IRF2: variants seen among roughly 807,000 people sequenced by gnomAD.
IRF2 encodes the protein interferon regulatory factor 2.
A neutral mutation model predicts 40.6 loss-of-function variants in IRF2; 15 were observed. The observed-to-expected ratio is 0.37, with a 90% confidence interval of 0.25 to 0.57. The LOEUF (loss-of-function observed/expected upper bound fraction) is 0.57, where lower values mean the gene tolerates loss of function less well. IRF2 is among the 20% of genes least tolerant of loss of function. The pLI is 0.77. For synonymous variants in IRF2, 151 were observed against 165.5 expected, an observed-to-expected ratio of 0.91 and a Z score of 0.67; for missense variants, 317 against 455.7, an observed-to-expected ratio of 0.70 and a Z score of 2.77.
intron 7 of IRF2, among the ~76,000 whole-genome samples, chr4:184,392,450 G>T (rs898941694): frequency 2.0e-5 from 3 of 152,226 alleles, no homozygotes; most frequent in Non-Finnish European, 4.4e-5. Context: ...CCATGTCAGA[G>T]GCTTTGCATG....
Position 184,474,543 on chromosome 4 carries a change from A to T in IRF2, c.-171T>A, listed in dbSNP as rs1230802923. 1 of 152,576 alleles carries T rather than the reference A, an allele frequency of 6.6e-6. No homozygotes were observed. The highest frequency in any genetic ancestry group is 2.4e-5 in the African/African-American group (1 of 41,438). The allele number at this position is 152,576 out of a possible 1,614,324, so 9.5% of individuals were successfully genotyped here. Reference sequence around the variant, plus strand: ...GAACAGTCCAGATCGAAAGCAAAACAAGGAGAGGAAACTGCGAAGAGCCGC... The same window carrying T: ...GAACAGTCCAGATCGAAAGCAAAACTAGGAGAGGAAACTGCGAAGAGCCGC... On this transcript the variant is annotated 5_prime_UTR_variant, in exon 1 of 9. Transcript: ENST00000393593. This position sits in a 1 kb window ranked among gnomAD's most constrained non-coding sequence, Gnocchi z 5.6.
At chr4:184,446,138 T>C (rs1738500849) in intron 1 of IRF2, among the ~76,000 whole-genome samples, 1 of 152,118 alleles carries the variant, frequency 6.6e-6, no homozygotes, top group Non-Finnish European at 1.5e-5. Flanking sequence ...GGGTCCCCAA[T>C]AGGAACCAAC....
At chr4:184,468,295 C>CT (rs1310030782) in intron 1 of IRF2, among the ~76,000 whole-genome samples, 1 of 151,782 alleles carries the variant, frequency 6.6e-6, no homozygotes, top group Non-Finnish European at 1.5e-5. Flanking sequence ...CGAGACCAGC[C>CT]GGCCAACATG....
chr4:184,437,590 G>A lies in IRF2; in HGVS notation c.-6-8520C>T, dbSNP rs190936403. On this transcript the variant is annotated intron_variant, in intron 1 of 8. Coordinates refer to ENST00000393593, the MANE Select transcript of IRF2 (RefSeq NM_002199.4). ...GAAGAAATAAGAAAGAAAAGAAAAT[G>A]TCTAAGTCACCCACGCCTCTAGATG... Among the ~76,000 whole-genome samples, 5 of 152,244 alleles carry A rather than the reference G, an allele frequency of 3.3e-5. No homozygotes were observed. The East Asian group carries it at 9.6e-4, about 29-fold the overall frequency.
intron 1 of IRF2, among the ~76,000 whole-genome samples, chr4:184,430,745 G>T (rs1299040103): frequency 1.3e-5 from 2 of 152,144 alleles, no homozygotes; most frequent in African/African-American, 4.8e-5. Context: ...ACCCAGACGG[G>T]AGTGCAGTGA....
chr4:184,461,436 A>G (rs1739140781), intron 1 of IRF2, among the ~76,000 whole-genome samples: 1 of 152,220 alleles, frequency 6.6e-6, no homozygotes, highest in Non-Finnish European at 1.5e-5. Context: ...CAGATAAGTA[A>G]AATCGTTTCT....
At chr4:184,391,103 TC>T (rs1468578677) in intron 7 of IRF2, among the ~76,000 whole-genome samples, 2 of 152,256 alleles carry the variant, frequency 1.3e-5, no homozygotes, top group Non-Finnish European at 2.9e-5. Context: ...TTCATTTAAT[TC>T]CCAGTGCAGA....
At chr4:184,456,647 C>T (rs887948872) in intron 1 of IRF2, among the ~76,000 whole-genome samples, 7 of 152,252 alleles carry the variant, frequency 4.6e-5, no homozygotes, top group Admixed American at 1.3e-4. Context: ...CCCTCCCTAC[C>T]GGGAAACCGG....
At chr4:184,462,163 C>T (rs1261668304) in intron 1 of IRF2, among the ~76,000 whole-genome samples, 1 of 152,184 alleles carries the variant, frequency 6.6e-6, no homozygotes. Context: ...TGCAAATCCC[C>T]AAACCTACTA....
intron 6 of IRF2, 144 bp from the exon 7 acceptor site, chr4:184,399,223 C>A (rs759210054): frequency 2.3e-5 from 19 of 814,722 alleles, no homozygotes; most frequent in Non-Finnish European, 3.5e-5. Context: ...GAAGAACACG[C>A]CTGAGCTCTG....
In IRF2 at chr4:184,400,713, T is replaced by C. The variant is rs79754935; in HGVS notation, c.530-1634A>G. ...TGAGTGATCAAATTTCTCCACAGCC[T>C]CGGCAGCATTTCGTGTCATCACTGT... On this transcript the variant is annotated intron_variant, in intron 6 of 8. Transcript: ENST00000393593. Among the ~76,000 whole-genome samples, 765 of 152,324 alleles carry C rather than the reference T, an allele frequency of 5.0e-3. 1 individual carries two copies. Among genetic ancestry groups the C allele is most frequent in the Non-Finnish European group, 9.1e-3 (620 of 68,036 alleles).
intron 1 of IRF2, among the ~76,000 whole-genome samples, chr4:184,463,444 TACTC>T (rs1465219682): frequency 3.3e-5 from 5 of 152,232 alleles, no homozygotes; most frequent in African/African-American, 1.2e-4. Context: ...GGATTTTAAA[TACTC>T]AGTATGAAAA....
chr4:184,440,810 G>A (rs1356531606), intron 1 of IRF2, among the ~76,000 whole-genome samples: 2 of 152,112 alleles, frequency 1.3e-5, no homozygotes, highest in Non-Finnish European at 2.9e-5. Flanking sequence ...CCCTTTCTTA[G>A]ACTAGATGGG....
chr4:184,470,937 G>A (rs575894281), intron 1 of IRF2, among the ~76,000 whole-genome samples: 60 of 152,214 alleles, frequency 3.9e-4, no homozygotes, highest in Admixed American at 5.9e-4. Context: ...CTTCTGACAG[G>A]AAAAAATTCA....
chr4:184,390,303 C>T (rs370645502), intron 8 of IRF2, among the ~76,000 whole-genome samples: 3 of 152,192 alleles, frequency 2.0e-5, no homozygotes, highest in Admixed American at 6.5e-5. Flanking sequence ...CCCACGCACA[C>T]GTGGAAGAGG....
chr4:184,440,517 C>G (rs1738265565), intron 1 of IRF2, among the ~76,000 whole-genome samples: 1 of 152,268 alleles, frequency 6.6e-6, no homozygotes, highest in Non-Finnish European at 1.5e-5. Context: ...TACAAACGGG[C>G]CTTCATGCCT....
intron 1 of IRF2, among the ~76,000 whole-genome samples, chr4:184,464,699 AG>A (rs1187269321): frequency 6.6e-6 from 1 of 152,100 alleles, no homozygotes; most frequent in Non-Finnish European, 1.5e-5. Flanking sequence ...GTATCTCCCT[AG>A]GCATGTGTAT....
chr4:184,462,695 G>T (rs1283073456), intron 1 of IRF2, among the ~76,000 whole-genome samples: 6 of 152,296 alleles, frequency 3.9e-5, no homozygotes, highest in Middle Eastern at 3.4e-3. Context: ...TTTTTTAAAG[G>T]TCTGGATACA....
At position 184,408,369 on chromosome 4, in the gene IRF2, C is replaced by T. The variant is rs1457674515; in HGVS notation, c.412-94G>A. 1.3e-6 allele frequency: 1 copy of T among 795,124 alleles called. No individual in the cohort carries two copies. Among genetic ancestry groups the T allele is most frequent in the South Asian group, 1.5e-5 (1 of 67,798 alleles). 49.3% of individuals were successfully genotyped at this position (795,124 alleles called of 1,614,324 possible). The stretch of plus-strand genomic sequence containing the variant: ...TACCCTCTGCCTACTTTCTTTAATG[C>T]TAGGGTCATTCATGTTCAGCTGCCG... On this transcript the variant is annotated intron_variant, in intron 5 of 8. Coordinates refer to ENST00000393593, the MANE Select transcript of IRF2 (RefSeq NM_002199.4). This position sits in a 1 kb window ranked among gnomAD's most constrained non-coding sequence, Gnocchi z 4.9.
Sources: gnomAD v4.1 joint callset for allele counts (sites outside exome capture counted in the v4.1 genomes callset) on GRCh38, gnomAD v4.1.1 for gene constraint, Gnocchi (gnomAD v3.1) non-coding constraint, MANE v1.5 for transcripts, NCBI Gene and HGNC (gene_info 2026-07-23, HGNC 2026-07-21) for gene names.